The following STPG2 variants were observed in gnomAD, a reference collection of about 807,000 sequenced individuals.
The protein encoded by STPG2 is sperm tail PG-rich repeat containing 2, also known as sperm-tail PG-rich repeat-containing protein 2.
In STPG2, 56 loss-of-function variants were observed where a neutral mutation model predicts 54.2. The observed-to-expected ratio is 1.03, with a 90% CI of 0.83 to 1.29. STPG2 has a LOEUF of 1.29. Ranked by LOEUF, STPG2 falls within the 50% of genes most tolerant of loss-of-function variation. The pLI is 0.00. For missense variants in STPG2, 596 were observed against 544.9 expected (o/e 1.09, Z -0.93); for synonymous variants, 200 against 181.8 (o/e 1.10, Z -0.81).
At chr4:97,710,615 A>T (rs1469248663) in intron 10 of STPG2, among the ~76,000 whole-genome samples, 1 of 152,074 alleles carries the variant, frequency 6.6e-6, no homozygotes, top group Non-Finnish European at 1.5e-5. Flanking sequence ...AAACGTAAAA[A>T]GTTTACAGCA....
At position 97,535,868 on chromosome 4, in the gene STPG2, G is replaced by C. The variant is rs111468646; in HGVS notation, c.462+176831C>G. On this transcript the variant is annotated intron_variant, in intron 4 of 4. Coordinates refer to the STPG2 transcript ENST00000522676. ...TGAGGCTATAGTTCCATATGAGTTA[G>C]ACTGCTGGATATTGCTCTGCAAGTC... 5.5e-3 allele frequency among the ~76,000 whole-genome samples: 833 copies of C among 152,186 alleles called. 7 individuals carry two copies. Among genetic ancestry groups the C allele is most frequent in the Middle Eastern group, 0.02 (6 of 294 alleles).
chr4:97,637,367 C>A (rs1489926848), intron 10 of STPG2, among the ~76,000 whole-genome samples: 1 of 152,150 alleles, frequency 6.6e-6, no homozygotes, highest in Admixed American at 6.5e-5. Flanking sequence ...CTATCTATGA[C>A]AAACCCACAG....
At chr4:97,674,035 G>A (rs545765171) in intron 10 of STPG2, among the ~76,000 whole-genome samples, 27 of 152,224 alleles carry the variant, frequency 1.8e-4, no homozygotes, top group African/African-American at 5.1e-4. Flanking sequence ...TATCCTTCAA[G>A]TCTAGACTGA....
At chr4:97,767,184 C>A (rs1726081644) in intron 9 of STPG2, among the ~76,000 whole-genome samples, 1 of 151,982 alleles carries the variant, frequency 6.6e-6, no homozygotes, top group South Asian at 2.1e-4. Flanking sequence ...AGTGTCTATC[C>A]CATTACCAAT....
intron 5 of STPG2, among the ~76,000 whole-genome samples, chr4:98,090,710 T>C (rs765507611): frequency 6.6e-6 from 1 of 152,112 alleles, no homozygotes; most frequent in African/African-American, 2.4e-5. Flanking sequence ...TTTCCTTTTG[T>C]TTGTGTCATC....
chr4:97,996,745 CA>C (rs35017536), intron 5 of STPG2, among the ~76,000 whole-genome samples: 62,626 of 151,814 alleles, frequency 0.41, 13,553 homozygotes, highest in Admixed American at 0.53. Context: ...AAAGAACAAA[CA>C]GCCCCCTTTT....
chr4:98,128,965 C>G (rs1208033990), intron 2 of STPG2, among the ~76,000 whole-genome samples: 1 of 152,088 alleles, frequency 6.6e-6, no homozygotes, highest in African/African-American at 2.4e-5. Flanking sequence ...AACTCCTGAC[C>G]TCAAATGATC....
intron 8 of STPG2, among the ~76,000 whole-genome samples, chr4:97,890,296 A>G (rs1730718546): frequency 1.3e-5 from 2 of 152,052 alleles, no homozygotes; most frequent in African/African-American, 4.8e-5. Context: ...ATATCTAAAA[A>G]CTAAAAAACA....
At chr4:97,659,651 A>G (rs1407054719) in intron 10 of STPG2, among the ~76,000 whole-genome samples, 1 of 152,238 alleles carries the variant, frequency 6.6e-6, no homozygotes, top group African/African-American at 2.4e-5. Flanking sequence ...TTGGCACACT[A>G]CATAATCCTT....
chr4:98,005,319 C>T (rs1735543959), intron 5 of STPG2, among the ~76,000 whole-genome samples: 1 of 152,140 alleles, frequency 6.6e-6, no homozygotes, highest in African/African-American at 2.4e-5. Flanking sequence ...ACAGACACAC[C>T]TAGGAACAAT....
At chr4:98,079,404 T>A (rs1738268870) in intron 5 of STPG2, among the ~76,000 whole-genome samples, 1 of 152,194 alleles carries the variant, frequency 6.6e-6, no homozygotes, top group African/African-American at 2.4e-5. Flanking sequence ...TCACCCAGTA[T>A]AAGCTGGCTG....
At chr4:98,018,130 T>C (rs2149288263) in intron 5 of STPG2, among the ~76,000 whole-genome samples, 1 of 152,244 alleles carries the variant, frequency 6.6e-6, no homozygotes. Flanking sequence ...AACTCATCAT[T>C]TAGCATTAGG....
chr4:98,046,418 C>T (rs1241691762), intron 5 of STPG2, among the ~76,000 whole-genome samples: 1 of 152,092 alleles, frequency 6.6e-6, no homozygotes. Context: ...TTGCTTTTGG[C>T]ATATTAGACT....
intron 5 of STPG2, among the ~76,000 whole-genome samples, chr4:98,035,187 G>A (rs900560732): frequency 6.6e-6 from 1 of 152,078 alleles, no homozygotes; most frequent in Non-Finnish European, 1.5e-5. Context: ...GAAAAATTCT[G>A]CAATCTCTCC....
intron 7 of STPG2, among the ~76,000 whole-genome samples, chr4:97,970,042 G>A (rs879593337): frequency 2.0e-5 from 3 of 152,122 alleles, no homozygotes; most frequent in Non-Finnish European, 4.4e-5. Context: ...CCAATCATGA[G>A]TGAACTCCCA....
At chr4:98,105,620 A>G (rs112356869) in intron 5 of STPG2, among the ~76,000 whole-genome samples, 1,766 of 152,240 alleles carry the variant, frequency 0.012, 28 homozygotes, top group African/African-American at 0.04. Context: ...TGGGTCAGAA[A>G]AAAACCAGCA....
At chr4:97,752,713 T>C (rs192595193) in intron 9 of STPG2, among the ~76,000 whole-genome samples, 3 of 152,016 alleles carry the variant, frequency 2.0e-5, no homozygotes, top group African/African-American at 7.2e-5. Context: ...TATAGTATGC[T>C]AATTACAGAA....
At chr4:97,665,024 C>G (rs1462571650) in intron 10 of STPG2, among the ~76,000 whole-genome samples, 1 of 152,022 alleles carries the variant, frequency 6.6e-6, no homozygotes, top group South Asian at 2.1e-4. Context: ...TGTGGCTGGA[C>G]CAGGTGTACT....
rs7691505 is a variant in STPG2 at position 97,955,196 on chromosome 4, A to T, written c.934-11189T>A. 3.1e-3 allele frequency among the ~76,000 whole-genome samples: 468 copies of T among 151,274 alleles called. 4 individuals are homozygous for T. Among genetic ancestry groups the T allele is most frequent in the African/African-American group, 0.011 (456 of 41,204 alleles). Reference sequence around the variant, plus strand: ...TAAACTGTAGCATGAAAGCAAAAAAAGTTGTAATACAGAAGAATTTTTTTT... The same window carrying T: ...TAAACTGTAGCATGAAAGCAAAAAATGTTGTAATACAGAAGAATTTTTTTT... On this transcript the variant is annotated intron_variant, in intron 7 of 10. Transcript: ENST00000295268.
Sources: gnomAD v4.1 joint callset for allele counts (sites outside exome capture counted in the v4.1 genomes callset) on GRCh38, gnomAD v4.1.1 for gene constraint, MANE v1.5 for transcripts, NCBI Gene and HGNC (gene_info 2026-07-23, HGNC 2026-07-21) for gene names.